HHLA2: variants seen among roughly 807,000 people sequenced by gnomAD.
The protein encoded by HHLA2 is HERV-H LTR-associating protein 2.
HHLA2 carries 48 observed loss-of-function variants against 45.9 expected under a neutral mutation model. The ratio of observed to expected loss-of-function variants is 1.05; its 90% confidence interval spans 0.83 to 1.33. The LOEUF is 1.33. HHLA2 is among the 40% of genes most tolerant of loss of function. The pLI, the probability that HHLA2 is intolerant of heterozygous loss-of-function variation, is 0.00. For missense variants in HHLA2, 462 were observed against 494.3 expected (o/e 0.93, Z 0.62); for synonymous variants, 161 against 173.9 (o/e 0.93, Z 0.59).
At chr3:108,366,111 G>A (rs1484829823) in intron 8 of HHLA2, among the ~76,000 whole-genome samples, 1 of 152,184 alleles carries the variant, frequency 6.6e-6, no homozygotes, top group Admixed American at 6.5e-5. Context: ...TATTGGCTAT[G>A]GGTTTGTCAT....
rs969921634 is a variant in HHLA2, at chr3:108,375,885, T to C, written c.1159+85T>C. On this transcript the variant is annotated intron_variant, in intron 9 of 10. Transcript: ENST00000619531. ...TATCGGCAAAAACTCTGTCACAGTA[T>C]TGGCCACTTTAAAAAATAGATATAT... 22 of 1,517,094 alleles carry C rather than the reference T, an allele frequency of 1.5e-5. No homozygotes were observed. In the African/African-American group the frequency reaches 2.5e-4, roughly 17 times the overall value. 94.0% of individuals were successfully genotyped at this position (1,517,094 alleles called of 1,614,324 possible). A position where few individuals can be genotyped will look rare whatever the true frequency, so the allele number is the denominator to read the frequency against.
At chr3:108,336,085 C>G (rs2081467732) in intron 3 of HHLA2, among the ~76,000 whole-genome samples, 1 of 152,066 alleles carries the variant, frequency 6.6e-6, no homozygotes, top group Admixed American at 6.6e-5. Context: ...CATACACTAT[C>G]TTGTTATCCC....
intron 2 of HHLA2, among the ~76,000 whole-genome samples, chr3:108,320,942 T>C (rs2081188710): frequency 6.6e-6 from 1 of 152,048 alleles, no homozygotes; most frequent in African/African-American, 2.4e-5. Context: ...AAGTCAGTGA[T>C]AACAGAACAC....
At chr3:108,372,212 G>T (rs899086420) in intron 8 of HHLA2, among the ~76,000 whole-genome samples, 1 of 152,180 alleles carries the variant, frequency 6.6e-6, no homozygotes, top group Non-Finnish European at 1.5e-5. Context: ...TGAACAACCT[G>T]CTCCTGAATG....
chr3:108,368,602 C>T (rs1415902463), intron 8 of HHLA2, among the ~76,000 whole-genome samples: 1 of 38,776 alleles, frequency 2.6e-5, no homozygotes, highest in Non-Finnish European at 5.2e-5. Context: ...TCTGATAAAA[C>T]AGACTTTAAA....
At position 108,331,280 on chromosome 3, in the gene HHLA2, A is replaced by T. The variant is rs114614287; in HGVS notation, c.-27+2933A>T. On this transcript the variant is annotated intron_variant, in intron 3 of 10. Transcript: ENST00000619531. ...GATTTGTATTTTTATTTATCATTTC[A>T]TAGTTTTTATATTTTGAAGATTTTT... Among the ~76,000 whole-genome samples the T allele has an allele frequency of 3.5e-3, 538 of 152,270 alleles. 4 individuals carry two copies. Among genetic ancestry groups the T allele is most frequent in the Middle Eastern group, 0.014 (4 of 294 alleles).
chr3:108,322,986 T>C (rs1456725), intron 2 of HHLA2, among the ~76,000 whole-genome samples: 30,283 of 152,098 alleles, frequency 0.2, 3,569 homozygotes, highest in East Asian at 0.53. Context: ...TTTCTTGGGT[T>C]TACTAAGTCA....
intron 2 of HHLA2, among the ~76,000 whole-genome samples, chr3:108,319,936 A>G (rs1284781406): frequency 1.3e-5 from 2 of 152,212 alleles, no homozygotes; most frequent in Non-Finnish European, 2.9e-5. Flanking sequence ...TACATATCAC[A>G]TAGCCTATGC....
chr3:108,353,773 G>A (rs1193826099), exon 5 of HHLA2: 3 of 1,606,312 alleles, frequency 1.9e-6, no homozygotes, highest in Non-Finnish European at 2.6e-6. Flanking sequence ...TGGTGCTAAA[G>A]GTGGGAGGTA....
At chr3:108,300,852 A>G (rs934531869) in intron 1 of HHLA2, among the ~76,000 whole-genome samples, 2 of 152,180 alleles carry the variant, frequency 1.3e-5, no homozygotes. Flanking sequence ...ACTTTATTTT[A>G]ATAATGCTGT....
At chr3:108,322,172 T>C (rs1388707425) in intron 2 of HHLA2, among the ~76,000 whole-genome samples, 1 of 152,222 alleles carries the variant, frequency 6.6e-6, no homozygotes, top group Non-Finnish European at 1.5e-5. Context: ...GGGAAGCTTA[T>C]TGGAGGCTCT....
At chr3:108,309,846 G>C (rs1419815822) in intron 1 of HHLA2, among the ~76,000 whole-genome samples, 1 of 152,120 alleles carries the variant, frequency 6.6e-6, no homozygotes, top group Non-Finnish European at 1.5e-5. Flanking sequence ...ACACTCAAGG[G>C]GAGGGAAATT....
At chr3:108,312,800 A>T (rs925937633) in intron 2 of HHLA2, among the ~76,000 whole-genome samples, 1 of 152,204 alleles carries the variant, frequency 6.6e-6, no homozygotes, top group African/African-American at 2.4e-5. Flanking sequence ...CTGCATGATA[A>T]TCACCATTTC....
chr3:108,304,517 T>A (rs1334792831), intron 1 of HHLA2, among the ~76,000 whole-genome samples: 1 of 152,198 alleles, frequency 6.6e-6, no homozygotes. Flanking sequence ...TAATCCAGTA[T>A]GATTTCATAT....
intron 8 of HHLA2, among the ~76,000 whole-genome samples, chr3:108,370,703 G>C (rs893643670): frequency 6.6e-6 from 1 of 152,294 alleles, no homozygotes; most frequent in East Asian, 1.9e-4. Context: ...TAGCTGATTC[G>C]ATCAACTGGA....
chr3:108,333,598 CAAAAAAAAAAAA>C lies in HHLA2; in HGVS notation c.-27+5264_-27+5275del, dbSNP rs5851586. On this transcript the variant is annotated intron_variant, in intron 3 of 10. Coordinates refer to ENST00000619531, the Ensembl canonical transcript of HHLA2. The stretch of plus-strand genomic sequence containing the variant: ...TTTTCAGTGTTGCTCTCTCAGTAAC[CAAAAAAAAAAAA>C]AAAAAAAAAAAATTAATTTAAATTC... Among the ~76,000 whole-genome samples, 123 of 108,262 alleles carry C rather than the reference CAAAAAAAAAAAA, an allele frequency of 1.1e-3. 1 individual carries two copies. Among genetic ancestry groups the C allele is most frequent in the Non-Finnish European group, 1.9e-3 (102 of 52,830 alleles). The allele number at this position is 108,262 out of a possible 152,430, so 71.0% of individuals were successfully genotyped here.
intron 2 of HHLA2, among the ~76,000 whole-genome samples, chr3:108,323,649 A>C (rs1001584396): frequency 6.6e-5 from 10 of 152,158 alleles, no homozygotes; most frequent in African/African-American, 2.2e-4. Context: ...GATTATTCAT[A>C]TTATTGGATT....
chr3:108,373,910 A>G (rs1212395123), intron 8 of HHLA2, among the ~76,000 whole-genome samples: 2 of 150,790 alleles, frequency 1.3e-5, no homozygotes, highest in Non-Finnish European at 3.0e-5. Flanking sequence ...TGCCCAAGGT[A>G]ATTTATAGAT....
chr3:108,322,774 A>G (rs911599231), intron 2 of HHLA2, among the ~76,000 whole-genome samples: 1 of 152,216 alleles, frequency 6.6e-6, no homozygotes, highest in African/African-American at 2.4e-5. Flanking sequence ...GTCATCAGTC[A>G]GGACGTCTCA....
Sources: gnomAD v4.1 joint callset for allele counts (sites outside exome capture counted in the v4.1 genomes callset) on GRCh38, gnomAD v4.1.1 for gene constraint, MANE v1.5 for transcripts, NCBI Gene and HGNC (gene_info 2026-07-23, HGNC 2026-07-21) for gene names.